TM4SF4: variants seen among roughly 807,000 people sequenced by gnomAD.
TM4SF4 encodes transmembrane 4 L6 family member 4.
A neutral mutation model predicts 24.1 loss-of-function variants in TM4SF4; 24 were observed. That is an observed-to-expected ratio of 1.00 (90% CI 0.72 to 1.40). TM4SF4 has a LOEUF of 1.40. Among genes scored for constraint, TM4SF4 ranks in the 40% most tolerant of loss-of-function variants. The pLI, the probability that TM4SF4 is intolerant of heterozygous loss-of-function variation, is 0.00. For synonymous variants in TM4SF4, 113 were observed against 97.0 expected, an observed-to-expected ratio of 1.17 and a Z score of -0.97; for missense variants, 254 against 254.2, an observed-to-expected ratio of 1.00 and a Z score of 0.01.
chr3:149,484,736 T>C (rs1406248547), intron 2 of TM4SF4, among the ~76,000 whole-genome samples: 1 of 152,068 alleles, frequency 6.6e-6, no homozygotes, highest in African/African-American at 2.4e-5. Flanking sequence ...ATATTTTTAA[T>C]AGAGATGGGG....
intron 2 of TM4SF4, among the ~76,000 whole-genome samples, chr3:149,479,158 C>T (rs1422605416): frequency 2.0e-5 from 3 of 152,090 alleles, no homozygotes; most frequent in African/African-American, 7.2e-5. Flanking sequence ...TCTGGCACCC[C>T]TAGCCTGCAT....
chr3:149,480,543 G>A (rs34897827), intron 2 of TM4SF4, among the ~76,000 whole-genome samples: 54,356 of 151,844 alleles, frequency 0.36, 10,252 homozygotes, highest in Non-Finnish European at 0.42. Context: ...GTCCTAATGC[G>A]GTCTGTGTGT....
chr3:149,496,869 T>TAAA (rs35385088), intron 3 of TM4SF4, among the ~76,000 whole-genome samples: 5 of 142,538 alleles, frequency 3.5e-5, no homozygotes, highest in Non-Finnish European at 4.6e-5. Context: ...TTATATAGAT[T>TAAA]AAAAAAAAAA....
At chr3:149,496,087 C>A in intron 3 of TM4SF4, 1 of 170,856 alleles carries the variant, frequency 5.9e-6, no homozygotes, top group East Asian at 1.5e-4. Flanking sequence ...TCTCATTTGG[C>A]CGTTGAAGTT....
At chr3:149,475,182 T>A (rs1167628818) in intron 1 of TM4SF4, 131 bp downstream of exon 1, 36 of 985,358 alleles carry the variant, frequency 3.7e-5, no homozygotes, top group Middle Eastern at 2.3e-4. Context: ...TGGTGAGAGG[T>A]CAATGCCTTA....
chr3:149,484,672 C>T (rs1374553321), intron 2 of TM4SF4, among the ~76,000 whole-genome samples: 2 of 152,112 alleles, frequency 1.3e-5, no homozygotes, highest in Non-Finnish European at 2.9e-5. Flanking sequence ...CTGCCTTGGC[C>T]TCCCGAGTAA....
At chr3:149,484,308 T>A (rs1734081150) in intron 2 of TM4SF4, among the ~76,000 whole-genome samples, 1 of 152,204 alleles carries the variant, frequency 6.6e-6, no homozygotes, top group Non-Finnish European at 1.5e-5. Flanking sequence ...ACATTCCTCC[T>A]ACAGGTACAT....
chr3:149,502,605 G>C (rs1734449153), intron 4 of TM4SF4, 71 bp from the exon 5 acceptor site: 6 of 1,016,348 alleles, frequency 5.9e-6, no homozygotes, highest in Non-Finnish European at 3.1e-6. Flanking sequence ...GATGGGGATG[G>C]GAAGGAGGGG....
At chr3:149,496,447 G>T (rs1734312310) in intron 3 of TM4SF4, among the ~76,000 whole-genome samples, 2 of 152,006 alleles carry the variant, frequency 1.3e-5, no homozygotes, top group African/African-American at 4.8e-5. Context: ...AGAATTTTGA[G>T]ACCCTCTATA....
At chr3:149,487,099 C>G (rs1205981356) in intron 2 of TM4SF4, among the ~76,000 whole-genome samples, 3 of 152,028 alleles carry the variant, frequency 2.0e-5, no homozygotes, top group East Asian at 3.9e-4. Context: ...ACTAAAAATA[C>G]AAAAAAGTAG....
intron 4 of TM4SF4, 77 bp from the exon 5 acceptor site, chr3:149,502,599 G>A: frequency 1.1e-6 from 1 of 944,684 alleles, no homozygotes; most frequent in Non-Finnish European, 1.8e-6. Flanking sequence ...GCAGGTGATG[G>A]GGATGGGAAG....
chr3:149,502,100 A>G (rs1734439057), intron 4 of TM4SF4, among the ~76,000 whole-genome samples: 1 of 152,234 alleles, frequency 6.6e-6, no homozygotes, highest in Non-Finnish European at 1.5e-5. Context: ...ACCTTATGAA[A>G]GTCAGTGAGG....
chr3:149,492,221 A>G (rs1001058898), intron 3 of TM4SF4, among the ~76,000 whole-genome samples: 2 of 152,208 alleles, frequency 1.3e-5, no homozygotes, highest in Admixed American at 6.5e-5. Flanking sequence ...AGGAGAAAAG[A>G]GGAAGGTAAT....
intron 3 of TM4SF4, 121 bp downstream of exon 3, chr3:149,487,876 C>A: frequency 7.3e-7 from 1 of 1,378,072 alleles, no homozygotes. Context: ...AGGCTCGGTG[C>A]TCCTTTGAGG....
chr3:149,495,801 C>T (rs4234369), intron 3 of TM4SF4: 16,943 of 210,566 alleles, frequency 0.08, 1,322 homozygotes, highest in East Asian at 0.4. Flanking sequence ...TCTCGAAATC[C>T]GGTGATGCTG....
intron 2 of TM4SF4, among the ~76,000 whole-genome samples, chr3:149,484,529 A>G (rs1289758285): frequency 2.0e-5 from 3 of 149,832 alleles, no homozygotes; most frequent in Non-Finnish European, 4.4e-5. Context: ...GATTACAGGC[A>G]TGGGCCACCA....
intron 2 of TM4SF4, among the ~76,000 whole-genome samples, chr3:149,476,792 GTTTTTTTTTGTTTTTGTTTTTGTT>G (rs1733936470): frequency 9.7e-6 from 1 of 102,850 alleles, no homozygotes; most frequent in Non-Finnish European, 2.2e-5. Flanking sequence ...TTTCTTTTCT[GTTTTTTTTTGTTTTTGTTTTTGTT>G]TTTTTTTTTT....
intron 3 of TM4SF4, among the ~76,000 whole-genome samples, chr3:149,493,237 G>T (rs1410491322): frequency 6.6e-6 from 1 of 151,978 alleles, no homozygotes; most frequent in African/African-American, 2.4e-5. Flanking sequence ...TTTCAACCAG[G>T]CATAAATAAG....
rs79586514 is a variant in TM4SF4, at chr3:149,479,778, C to G, written c.264+3866C>G. Among the ~76,000 whole-genome samples the G allele has an allele frequency of 1.9e-3, 286 of 152,316 alleles. 3 individuals carry two copies. The East Asian group carries it at 0.046, about 24-fold the overall frequency. ...GCTGCTGGGCTGAATCCTCTGTCCT[C>G]TCTACAGTCTGCTTTCTGTCATTTA... On this transcript the variant is annotated intron_variant, in intron 2 of 4. Transcript: ENST00000305354.
Sources: allele counts gnomAD v4.1 joint callset (sites outside exome capture counted in the v4.1 genomes callset), GRCh38; gene constraint gnomAD v4.1.1; transcripts MANE v1.5; gene names NCBI Gene and HGNC (gene_info 2026-07-23, HGNC 2026-07-21).